C17orf58: variants seen among roughly 807,000 people sequenced by gnomAD.
C17orf58 encodes the protein chromosome 17 open reading frame 58.
In C17orf58, 5 loss-of-function variants were observed where a neutral mutation model predicts 7.4. The observed-to-expected ratio is 0.67, with a 90% CI of 0.35 to 1.42. The LOEUF is 1.42. Ranked by LOEUF, C17orf58 falls within the 40% of genes most tolerant of loss-of-function variation. The probability of loss-of-function intolerance (pLI) is 0.04; values close to 1 mark genes in which losing one functional copy is unlikely to be tolerated. For synonymous variants in C17orf58, 60 were observed against 70.6 expected (o/e 0.85, Z 0.75); for missense variants, 162 against 174.2 (o/e 0.93, Z 0.40).
In C17orf58 at chr17:67,991,766, G is replaced by A. The variant is rs2070833005; in HGVS notation, c.*147C>T. On this transcript the variant is annotated 3_prime_UTR_variant, in exon 4 of 4. Transcript: ENST00000580729. ...TTGTAAATAACAAAGTGACACCTTC[G>A]AGATTACAGTTGCAGCTATGCAAGT... 8.1e-6 allele frequency: 5 copies of A among 616,174 alleles called. No homozygotes were observed. The highest frequency in any genetic ancestry group is 4.6e-4 in the Middle Eastern group (1 of 2,178). The allele number at this position is 616,174 out of a possible 1,614,324, so 38.2% of individuals were successfully genotyped here.
chr17:67,995,319 T>TGTTGACC (rs1445559623), intron 1 of C17orf58, among the ~76,000 whole-genome samples: 3 of 152,228 alleles, frequency 2.0e-5, no homozygotes, highest in African/African-American at 7.2e-5. Context: ...GACTGTCAAC[T>TGTTGACC]GTTGACCTCA....
intron 1 of C17orf58, among the ~76,000 whole-genome samples, chr17:67,994,535 T>TATAAA (rs71142122): frequency 1.0e-5 from 1 of 100,310 alleles, no homozygotes; most frequent in Non-Finnish European, 2.3e-5. Flanking sequence ...TATATATATA[T>TATAAA]AAAACATATA....
intron 1 of C17orf58, among the ~76,000 whole-genome samples, chr17:67,994,516 G>GTGTGTGTGTGTATATATATATATATA (rs1244199425): frequency 1.1e-5 from 1 of 89,544 alleles, no homozygotes; most frequent in African/African-American, 3.7e-5. Context: ...GTGTGTGTGT[G>GTGTGTGTGTGTATATATATATATATA]TATATATATA....
intron 1 of C17orf58, among the ~76,000 whole-genome samples, chr17:67,994,187 G>A (rs2070869670): frequency 6.6e-6 from 1 of 151,774 alleles, no homozygotes; most frequent in Non-Finnish European, 1.5e-5. Flanking sequence ...CTCTGGGAGG[G>A]GGAGAGGAGA....
At chr17:67,995,223 G>A (rs549100115) in intron 1 of C17orf58, among the ~76,000 whole-genome samples, 20 of 152,310 alleles carry the variant, frequency 1.3e-4, no homozygotes, top group African/African-American at 4.8e-4. Context: ...TCATGTTTTT[G>A]CAAAGAGGTT....
rs782081818 is a variant in C17orf58 at position 67,993,115 on chromosome 17, A to C, written c.758T>G (p.Phe253Cys). 3 of 1,614,104 alleles carry C rather than the reference A, an allele frequency of 1.9e-6. No homozygotes were observed. Among genetic ancestry groups the C allele is most frequent in the African/African-American group, 1.3e-5 (1 of 75,038 alleles). Residue 253 changes from phenylalanine (F) to cysteine (C), a missense_variant, in exon 3 of 4, where the codon TTC (phenylalanine) becomes TGC (cysteine). By Grantham distance (205) the Phe-to-Cys change is radical. Coordinates refer to ENST00000580729, the MANE Select transcript of C17orf58 (RefSeq NM_001382359.1). This position sits in a 1 kb window ranked among gnomAD's most constrained non-coding sequence, Gnocchi z 5.1. ...GGCTAACATGTGGACTCGGAAGAAG[A>C]AGCCGTCGGGGGTGAGGTACAGGCG... Reference protein sequence around the residue: ...MNRLYLTPDGFFFRVHMLALD... With the variant: ...MNRLYLTPDGCFFRVHMLALD...
Position 67,991,712 on chromosome 17 carries a change from G to A in C17orf58, c.*201C>T, listed in dbSNP as rs1242521046. 4 of 459,278 alleles carry A rather than the reference G, an allele frequency of 8.7e-6. No individual in the cohort carries two copies. Among genetic ancestry groups the A allele is most frequent in the Non-Finnish European group, 1.5e-5 (4 of 258,468 alleles). 28.5% of individuals were successfully genotyped at this position (459,278 alleles called of 1,614,324 possible). ...TACAGTTGAATCACCTTGACACTGA[G>A]CTCAGGAGCAGCCCATTTAAGAAGC... On this transcript the variant is annotated 3_prime_UTR_variant, in exon 4 of 4. Coordinates refer to ENST00000580729, the MANE Select transcript of C17orf58 (RefSeq NM_001382359.1).
At chr17:67,994,535 TA>T (rs1296094991) in intron 1 of C17orf58, among the ~76,000 whole-genome samples, 31 of 100,190 alleles carry the variant, frequency 3.1e-4, no homozygotes, top group South Asian at 1.2e-3. Flanking sequence ...TATATATATA[TA>T]AAACATATAT....
intron 1 of C17orf58, among the ~76,000 whole-genome samples, chr17:67,995,244 CATT>C (rs1464938757): frequency 2.6e-5 from 4 of 152,326 alleles, no homozygotes; most frequent in East Asian, 1.9e-4. Flanking sequence ...GATTCTGACT[CATT>C]ATGTTGTTAA....
At position 67,993,491 on chromosome 17, in the gene C17orf58, A is replaced by T; in HGVS notation, c.570T>A (p.Ala190=). The change falls in exon 2 of 4, where the codon GCT becomes GCA. Residue 190 remains alanine (A), a synonymous_variant. Transcript: ENST00000580729. The surrounding 1 kb of genome is among the most constrained non-coding windows in gnomAD (Gnocchi z 5.1). ...SPPQRDAEPG[A]EPCARACRSD... ...ACCGGCAGGCGCGCGCGCAGGGCTC[A>T]GCGCCGGGCTCCGCGTCCCTCTGCG... 2.5e-6 allele frequency: 1 copy of T among 405,200 alleles called. No individual in the cohort carries two copies. The highest frequency in any genetic ancestry group is 4.3e-6 in the Non-Finnish European group (1 of 231,536). The allele number at this position is 405,200 out of a possible 1,614,324, so 25.1% of individuals were successfully genotyped here.
intron 1 of C17orf58, 82 bp from the exon 2 acceptor site, chr17:67,994,066 A>C: frequency 2.8e-6 from 1 of 361,332 alleles, no homozygotes. Flanking sequence ...AAGCCGAGGA[A>C]GCCGAGAAGG....
intron 1 of C17orf58, 127 bp downstream of exon 1, chr17:67,995,996 A>T (rs1360684775): frequency 2.3e-5 from 9 of 397,466 alleles, no homozygotes; most frequent in Non-Finnish European, 4.0e-5. Flanking sequence ...ACGAACGCAG[A>T]CCCGGGGTGT....
intron 1 of C17orf58, among the ~76,000 whole-genome samples, chr17:67,994,637 A>C (rs1257255406): frequency 1.3e-5 from 2 of 151,358 alleles, no homozygotes; most frequent in African/African-American, 4.8e-5. Flanking sequence ...GGTTCTCCTA[A>C]TTCTTTAAGC....
Position 67,993,077 on chromosome 17 carries a change from TGGA to T in C17orf58, c.793_795del (p.Ser266del). ...AACTCTGGACACGGCTTATTGCAGCTGGAGGAGTCCAGGGCTAACATGTGGACT... is the reference window on the plus strand; with the variant it reads ...AACTCTGGACACGGCTTATTGCAGCTGGAGTCCAGGGCTAACATGTGGACT... On this transcript the variant is annotated inframe_deletion, in exon 3 of 4. Coordinates refer to ENST00000580729, the MANE Select transcript of C17orf58 (RefSeq NM_001382359.1). This position sits in a 1 kb window ranked among gnomAD's most constrained non-coding sequence, Gnocchi z 5.1. 6.2e-7 allele frequency: 1 copy of T among 1,614,136 alleles called. No homozygotes were observed.
chr17:67,993,590 G>A lies in C17orf58; in HGVS notation c.471C>T (p.Arg157=), dbSNP rs2070861822. The A allele has an allele frequency of 6.0e-6, 1 of 166,050 alleles. No individual in the cohort carries two copies. The highest frequency in any genetic ancestry group is 6.5e-5 in the Admixed American group (1 of 15,410). 10.3% of individuals were successfully genotyped at this position (166,050 alleles called of 1,614,324 possible). ...CGGGTCCCGGGGCCAGCGCGGCGGC[G>A]CGCGGCCGGTTGGGGTGGGCGTGGC... ...SAGHAHPNRP[R]AAALAPGPAP... Residue 157 remains arginine (R), a synonymous_variant, in exon 2 of 4, where the codon CGC becomes CGT. Coordinates refer to ENST00000580729, the MANE Select transcript of C17orf58 (RefSeq NM_001382359.1). The surrounding 1 kb of genome is among the most constrained non-coding windows in gnomAD (Gnocchi z 5.1).
chr17:67,992,789 C>T, intron 3 of C17orf58: 1 of 1,325,042 alleles, frequency 7.5e-7, no homozygotes. Flanking sequence ...GTCGTCCACC[C>T]CATTTGTCAA....
rs1170444951 is a variant in C17orf58, at chr17:67,993,197, CG to C, written c.675del (p.Ala226ArgfsTer6). ...AGCAGGGTCACCAGCCGGATGCCCG[CG>C]CCCAGCACGTCCACATCGTGCACGA... ...NGIVHDVDVL[G>X]AGIRLVTLLV... On this transcript the variant is annotated frameshift_variant, in exon 3 of 4. Transcript: ENST00000580729. LOFTEE classifies it high-confidence loss of function. The surrounding 1 kb of genome is among the most constrained non-coding windows in gnomAD (Gnocchi z 5.1). 2 of 1,609,254 alleles carry C rather than the reference CG, an allele frequency of 1.2e-6. No homozygotes were observed. Among genetic ancestry groups the C allele is most frequent in the Non-Finnish European group, 8.5e-7 (1 of 1,177,312 alleles).
chr17:67,994,049 TC>T, intron 1 of C17orf58, 65 bp from the exon 2 acceptor site: 1 of 372,576 alleles, frequency 2.7e-6, no homozygotes, highest in Non-Finnish European at 4.7e-6. Flanking sequence ...GGGGAGGCCG[TC>T]GGGGAAAGCC....
chr17:67,994,474 G>A (rs1568261887), intron 1 of C17orf58, among the ~76,000 whole-genome samples: 1 of 139,802 alleles, frequency 7.2e-6, no homozygotes, highest in Non-Finnish European at 1.6e-5. Flanking sequence ...ATACGTATAT[G>A]TGTGTATGTG....
Sources: allele counts gnomAD v4.1 joint callset (sites outside exome capture counted in the v4.1 genomes callset), GRCh38; gene constraint gnomAD v4.1.1; non-coding constraint Gnocchi (gnomAD v3.1); transcripts MANE v1.5; gene names NCBI Gene and HGNC (gene_info 2026-07-23, HGNC 2026-07-21).